ATRNL1: variants seen among roughly 807,000 people sequenced by gnomAD.
ATRNL1 encodes attractin-like protein 1.
Under a neutral mutation model 182.7 loss-of-function variants are expected in ATRNL1, and 95 were observed. The ratio of observed to expected loss-of-function variants is 0.52; its 90% CI spans 0.44 to 0.62. ATRNL1 has a LOEUF of 0.62. Ranked by LOEUF, ATRNL1 falls within the 20% of genes least tolerant of loss-of-function variation. The probability of loss-of-function intolerance (pLI) is 0.00; values close to 1 mark genes in which losing one functional copy is unlikely to be tolerated. For missense variants in ATRNL1, 1,471 were observed against 1,679.5 expected (o/e 0.88, Z 2.17); for synonymous variants, 576 against 568.3 (o/e 1.01, Z -0.19).
intron 15 of ATRNL1, among the ~76,000 whole-genome samples, chr10:115,290,650 GC>G (rs1364199419): frequency 1.3e-5 from 2 of 152,040 alleles, no homozygotes; most frequent in African/African-American, 4.8e-5. Flanking sequence ...GAGTGAAACT[GC>G]AGCCCCCCAC....
intron 26 of ATRNL1, among the ~76,000 whole-genome samples, chr10:115,663,082 T>C (rs1199790796): frequency 1.3e-5 from 2 of 152,136 alleles, no homozygotes; most frequent in Non-Finnish European, 2.9e-5. Context: ...TTTTAAAAAC[T>C]CGTTTTCTCT....
At position 115,129,515 on chromosome 10, in the gene ATRNL1, T is replaced by A; in HGVS notation, c.809T>A (p.Val270Asp). 2 of 1,614,096 alleles carry A rather than the reference T, an allele frequency of 1.2e-6. No individual in the cohort carries two copies. The highest frequency in any genetic ancestry group is 1.7e-6 in the Non-Finnish European group (2 of 1,179,978). ...YCDLTGEKLC[V>D]CNDSWQGPDC... Reference sequence around the variant, plus strand: ...GACCTGACTGGAGAAAAATTATGTGTCTGCAATGATAGTTGGCAAGGTAAG... The same window carrying A: ...GACCTGACTGGAGAAAAATTATGTGACTGCAATGATAGTTGGCAAGGTAAG... Residue 270 changes from valine (V) to aspartate (D), a missense_variant, in exon 5 of 29, where the codon GTC becomes GAC. Coordinates refer to ENST00000355044, the MANE Select transcript of ATRNL1 (RefSeq NM_207303.4).
chr10:115,497,964 T>A (rs1849636786), intron 24 of ATRNL1, among the ~76,000 whole-genome samples: 1 of 152,144 alleles, frequency 6.6e-6, no homozygotes, highest in South Asian at 2.1e-4. Context: ...CCTACTGCAC[T>A]TTTTAAAAAT....
At chr10:115,525,488 C>G (rs781957456) in intron 25 of ATRNL1, among the ~76,000 whole-genome samples, 2 of 152,312 alleles carry the variant, frequency 1.3e-5, no homozygotes, top group Admixed American at 6.5e-5. Context: ...TCTAAGCCTC[C>G]TTATAATACT....
At chr10:115,847,541 G>A (rs998297529) in intron 27 of ATRNL1, among the ~76,000 whole-genome samples, 7 of 152,036 alleles carry the variant, frequency 4.6e-5, no homozygotes, top group Non-Finnish European at 1.5e-5. Flanking sequence ...ATTAAGATAT[G>A]CCAACAGAAT....
chr10:115,649,520 C>T (rs914146197), intron 26 of ATRNL1, among the ~76,000 whole-genome samples: 6 of 152,020 alleles, frequency 3.9e-5, no homozygotes, highest in Admixed American at 3.9e-4. Context: ...CCTTCTGTCC[C>T]GGTTCTATCC....
At chr10:115,200,790 G>A (rs1219180854) in intron 8 of ATRNL1, among the ~76,000 whole-genome samples, 2 of 145,484 alleles carry the variant, frequency 1.4e-5, no homozygotes. Context: ...CTAGATCCCT[G>A]AGGAATCGCC....
chr10:115,849,759 T>C (rs74901623), intron 28 of ATRNL1, among the ~76,000 whole-genome samples: 136 of 152,154 alleles, frequency 8.9e-4, no homozygotes, highest in African/African-American at 3.1e-3. Context: ...CAAGGAATAA[T>C]TGGGGAGAGG....
intron 27 of ATRNL1, among the ~76,000 whole-genome samples, chr10:115,845,381 T>A (rs914592549): frequency 1.3e-5 from 2 of 152,084 alleles, no homozygotes; most frequent in African/African-American, 2.4e-5. Flanking sequence ...TAATTTCCTT[T>A]CCACGTTTGA....
At chr10:115,765,019 G>A (rs3095135) in intron 27 of ATRNL1, among the ~76,000 whole-genome samples, 144,594 of 152,164 alleles carry the variant, frequency 0.95, 69,114 homozygotes, top group East Asian at 1. Context: ...CTTTTTTAGA[G>A]CTAAATAATA....
chr10:115,101,308 C>T (rs999812106), intron 1 of ATRNL1, among the ~76,000 whole-genome samples: 1 of 151,542 alleles, frequency 6.6e-6, no homozygotes, highest in Non-Finnish European at 1.5e-5. Flanking sequence ...GATATTTGAT[C>T]TTTAACCATG....
intron 27 of ATRNL1, among the ~76,000 whole-genome samples, chr10:115,817,877 G>GTTTTTTTTTT (rs35087740): frequency 7.5e-6 from 1 of 133,882 alleles, no homozygotes; most frequent in African/African-American, 2.8e-5. Flanking sequence ...TTTACGTTGT[G>GTTTTTTTTTT]TTTTTTTTTT....
chr10:115,334,724 G>GT (rs1406200371), intron 19 of ATRNL1, among the ~76,000 whole-genome samples: 21 of 152,012 alleles, frequency 1.4e-4, no homozygotes, highest in Non-Finnish European at 2.4e-4. Flanking sequence ...ATTGCTGATA[G>GT]TTTTTTTAAT....
Position 115,826,666 on chromosome 10 carries a change from T to C in ATRNL1, c.3904-21211T>C, listed in dbSNP as rs547533421. On this transcript the variant is annotated intron_variant, in intron 27 of 28. Transcript: ENST00000355044. ...CGAGTAAGGCAGAATAGAATTTTAT[T>C]GAGCAAAAGAAAAGCTCTCGACAGT... Among the ~76,000 whole-genome samples the C allele has an allele frequency of 3.9e-5, 6 of 152,256 alleles. No individual in the cohort carries two copies. The South Asian group carries it at 1.0e-3, about 26-fold the overall frequency.
In ATRNL1 at chr10:115,901,231, A is replaced by G. The variant is rs564557857; in HGVS notation, c.4019-43427A>G. Among the ~76,000 whole-genome samples, 30 of 152,360 alleles carry G rather than the reference A, an allele frequency of 2.0e-4. 1 individual carries two copies. The East Asian group carries it at 5.6e-3, about 28-fold the overall frequency. On this transcript the variant is annotated intron_variant, in intron 28 of 28. Coordinates refer to ENST00000355044, the MANE Select transcript of ATRNL1 (RefSeq NM_207303.4). ...TCACATTTTTCTCCCACATGGACAC[A>G]TGAGACAGTTCTATTAAAAATAGAA... is the stretch of plus-strand genomic sequence containing the variant.
At chr10:115,646,554 A>G (rs1453023366) in intron 26 of ATRNL1, among the ~76,000 whole-genome samples, 2 of 152,106 alleles carry the variant, frequency 1.3e-5, no homozygotes, top group African/African-American at 2.4e-5. Flanking sequence ...CATTTCAGCA[A>G]CAGGAAATAG....
intron 5 of ATRNL1, among the ~76,000 whole-genome samples, chr10:115,136,079 G>T (rs1174430300): frequency 2.6e-5 from 4 of 151,576 alleles, no homozygotes; most frequent in African/African-American, 7.3e-5. Context: ...GCTCAGACTG[G>T]TCTCAAACTC....
intron 26 of ATRNL1, among the ~76,000 whole-genome samples, chr10:115,611,021 T>C (rs1857126932): frequency 6.6e-6 from 1 of 151,224 alleles, no homozygotes; most frequent in Non-Finnish European, 1.5e-5. Flanking sequence ...AAAATATGAA[T>C]CTTTTCCAGC....
In ATRNL1 at chr10:115,266,285, A is replaced by G. The variant is rs2133882639; in HGVS notation, c.1773-512A>G. ...TGATTATTTTACTCTTAGTTTTCTT[A>G]TTTTAAAAGAATGAAACACCATAAG... On this transcript the variant is annotated intron_variant, in intron 11 of 28. Coordinates refer to ENST00000355044, the MANE Select transcript of ATRNL1 (RefSeq NM_207303.4). Among the ~76,000 whole-genome samples, 3 of 151,708 alleles carry G rather than the reference A, an allele frequency of 2.0e-5. 1 individual carries two copies. The South Asian group carries it at 6.2e-4, about 31-fold the overall frequency.
Sources: allele counts gnomAD v4.1 joint callset (sites outside exome capture counted in the v4.1 genomes callset), GRCh38; gene constraint gnomAD v4.1.1; transcripts MANE v1.5; gene names NCBI Gene and HGNC (gene_info 2026-07-23, HGNC 2026-07-21).